Variants in RIMKLA observed in about 807,000 individuals in gnomAD.
RIMKLA encodes the protein ribosomal modification protein rimK like family member A.
In RIMKLA, 14 loss-of-function variants were observed where a neutral mutation model predicts 32.7. The ratio of observed to expected loss-of-function variants is 0.43; its 90% CI spans 0.28 to 0.67. The LOEUF (loss-of-function observed/expected upper bound fraction) is 0.67, where lower values mean the gene tolerates loss of function less well. RIMKLA is among the 30% of genes least tolerant of loss of function. The probability of loss-of-function intolerance (pLI) is 0.18; values close to 1 mark genes in which losing one functional copy is unlikely to be tolerated. For synonymous variants in RIMKLA, 176 were observed against 204.1 expected (o/e 0.86, Z 1.18); for missense variants, 410 against 519.0 (o/e 0.79, Z 2.04).
rs7522493 is a variant in RIMKLA, at chr1:42,385,751, C to G, written c.163+4654C>G. Among the ~76,000 whole-genome samples the G allele has an allele frequency of 7.9e-4, 76 of 95,978 alleles. 1 individual carries two copies. Among genetic ancestry groups the G allele is most frequent in the African/African-American group, 3.4e-3 (68 of 20,132 alleles). 63.0% of individuals were successfully genotyped at this position (95,978 alleles called of 152,430 possible). A position where few individuals can be genotyped will look rare whatever the true frequency, so the allele number is the denominator to read the frequency against. On this transcript the variant is annotated intron_variant, in intron 1 of 4. Coordinates refer to ENST00000431473, the MANE Select transcript of RIMKLA (RefSeq NM_173642.4). ...TCTTTCTTTCTTTCTTTCTTTCTTT[C>G]TTTCTTTCTTTCTTTCTTTGTTTCT...
chr1:42,385,817 T>TC (rs1642934711), intron 1 of RIMKLA, among the ~76,000 whole-genome samples: 1 of 100,042 alleles, frequency 1.0e-5, no homozygotes, highest in Admixed American at 1.0e-4. Context: ...CTTTCCTTCC[T>TC]TCCTTCCTTC....
At chr1:42,401,269 G>A (rs548306178) in intron 2 of RIMKLA, among the ~76,000 whole-genome samples, 70 of 152,270 alleles carry the variant, frequency 4.6e-4, no homozygotes, top group Non-Finnish European at 9.0e-4. Context: ...CTCCTGATGT[G>A]CCGCCCGGTT....
chr1:42,384,572 T>C (rs565355156), intron 1 of RIMKLA, among the ~76,000 whole-genome samples: 11 of 145,974 alleles, frequency 7.5e-5, no homozygotes, highest in South Asian at 4.3e-4. Context: ...TACATATATA[T>C]GTGTATATAT....
At chr1:42,381,196 C>T (rs1360473112) in intron 1 of RIMKLA, 99 bp downstream of exon 1, 1 of 949,030 alleles carries the variant, frequency 1.1e-6, no homozygotes, top group Non-Finnish European at 1.4e-6. Flanking sequence ...GCAGAGTCTC[C>T]TTCGGGCCCG....
intron 4 of RIMKLA, 118 bp downstream of exon 4, chr1:42,410,305 T>C: frequency 1.2e-6 from 1 of 821,438 alleles, no homozygotes; most frequent in Non-Finnish European, 1.9e-6. Flanking sequence ...CAGATGAGAA[T>C]GAGGAACAAA....
Position 42,381,037 on chromosome 1 carries a change from G to T in RIMKLA, c.103G>T (p.Val35Leu). ...CCGGCAGCGCTGCTCCGAGCAGGAC[G>T]TGCGCTTCCGGGCGGTGCTTATGGA... ...ALRQRCSEQD[V>L]RFRAVLMDQI... The change falls in exon 1 of 5, where the codon GTG becomes TTG. Residue 35 changes from valine to leucine, a missense_variant. Coordinates refer to ENST00000431473, the MANE Select transcript of RIMKLA (RefSeq NM_173642.4). The T allele has an allele frequency of 7.4e-7, 1 of 1,352,132 alleles. No homozygotes were observed. The highest frequency in any genetic ancestry group is 1.5e-5 in the African/African-American group (1 of 65,534). The allele number at this position is 1,352,132 out of a possible 1,614,324, so 83.8% of individuals were successfully genotyped here.
chr1:42,423,898 C>T lies in RIMKLA; in HGVS notation c.*8924C>T, dbSNP rs909438691. Among the ~76,000 whole-genome samples the T allele has an allele frequency of 6.6e-6, 1 of 152,214 alleles. No individual in the cohort carries two copies. Among genetic ancestry groups the T allele is most frequent in the African/African-American group, 2.4e-5 (1 of 41,452 alleles). Reference sequence around the variant, plus strand: ...CTACTGTACTCTTGGTGAATCACAGCTCTTTAGAGCTCCTCAAGGGCCTAA... The same window carrying T: ...CTACTGTACTCTTGGTGAATCACAGTTCTTTAGAGCTCCTCAAGGGCCTAA... On this transcript the variant is annotated 3_prime_UTR_variant, in exon 5 of 5. Coordinates refer to ENST00000431473, the MANE Select transcript of RIMKLA (RefSeq NM_173642.4).
At chr1:42,404,273 G>T (rs1643125553) in intron 2 of RIMKLA, among the ~76,000 whole-genome samples, 1 of 151,924 alleles carries the variant, frequency 6.6e-6, no homozygotes, top group South Asian at 2.1e-4. Context: ...ATTGTTATAA[G>T]GATTGTGAAG....
At chr1:42,404,420 C>G in intron 2 of RIMKLA, 91 bp from the exon 3 acceptor site, 1 of 827,454 alleles carries the variant, frequency 1.2e-6, no homozygotes, top group Non-Finnish European at 2.1e-6. Context: ...GAGATGAGGC[C>G]TCACAAGAAT....
chr1:42,406,692 A>G (rs907770311), intron 3 of RIMKLA, among the ~76,000 whole-genome samples: 3 of 152,060 alleles, frequency 2.0e-5, no homozygotes, highest in Non-Finnish European at 4.4e-5. Context: ...TTATGTAAGT[A>G]TGTATGTATG....
rs1405384570 is a variant in RIMKLA, at chr1:42,381,072, C to G, written c.138C>G (p.Ala46=). ...GGGCGGTGCTTATGGACCAGATCGC[C>G]GTCACCATCGTCGGCGGCCACCTCG... The part of the protein sequence containing the change: ...RFRAVLMDQI[A]VTIVGGHLGL... Residue 46 remains alanine (A), a synonymous_variant, in exon 1 of 5, where the codon GCC becomes GCG. Coordinates refer to ENST00000431473, the MANE Select transcript of RIMKLA (RefSeq NM_173642.4). 3.9e-6 allele frequency: 5 copies of G among 1,285,498 alleles called. No individual in the cohort carries two copies. The highest frequency in any genetic ancestry group is 4.9e-6 in the Non-Finnish European group (5 of 1,011,784). 79.6% of individuals were successfully genotyped at this position (1,285,498 alleles called of 1,614,324 possible).
In RIMKLA at chr1:42,416,908, T is replaced by A. The variant is rs1228258821; in HGVS notation, c.*1934T>A. The A allele has an allele frequency of 6.6e-6, 1 of 152,220 alleles. No homozygotes were observed. The highest frequency in any genetic ancestry group is 1.5e-5 in the Non-Finnish European group (1 of 68,038). 9.4% of individuals were successfully genotyped at this position (152,220 alleles called of 1,614,324 possible). ...AGTTTAAATGCAGTCCAACATAAGGTGCATGCCACTGAACTGTAACCCTAG... is the reference window on the plus strand; with the variant it reads ...AGTTTAAATGCAGTCCAACATAAGGAGCATGCCACTGAACTGTAACCCTAG... On this transcript the variant is annotated 3_prime_UTR_variant, in exon 5 of 5. Transcript: ENST00000431473.
intron 3 of RIMKLA, among the ~76,000 whole-genome samples, chr1:42,408,474 C>G (rs913969558): frequency 1.3e-5 from 2 of 152,188 alleles, no homozygotes; most frequent in African/African-American, 4.8e-5. Flanking sequence ...GTCTGGAGTT[C>G]AATGGCGCGA....
chr1:42,381,034 G>C lies in RIMKLA; in HGVS notation c.100G>C (p.Asp34His). 7.4e-7 allele frequency: 1 copy of C among 1,359,648 alleles called. No individual in the cohort carries two copies. The highest frequency in any genetic ancestry group is 9.5e-7 in the Non-Finnish European group (1 of 1,055,450). 84.2% of individuals were successfully genotyped at this position (1,359,648 alleles called of 1,614,324 possible). Reference sequence around the variant, plus strand: ...CCTCCGGCAGCGCTGCTCCGAGCAGGACGTGCGCTTCCGGGCGGTGCTTAT... The same window carrying C: ...CCTCCGGCAGCGCTGCTCCGAGCAGCACGTGCGCTTCCGGGCGGTGCTTAT... ...RALRQRCSEQ[D>H]VRFRAVLMDQ... The change falls in exon 1 of 5, where the codon GAC (aspartate) becomes CAC (histidine). Residue 34 changes from aspartate to histidine, a missense_variant. Transcript: ENST00000431473.
chr1:42,410,834 A>G (rs930070644), intron 4 of RIMKLA, among the ~76,000 whole-genome samples: 3 of 151,952 alleles, frequency 2.0e-5, no homozygotes, highest in African/African-American at 7.3e-5. Flanking sequence ...ATAGGAAAAA[A>G]AAAATCACAA....
chr1:42,384,439 C>A (rs953379250), intron 1 of RIMKLA, among the ~76,000 whole-genome samples: 3 of 150,566 alleles, frequency 2.0e-5, no homozygotes, highest in Admixed American at 6.6e-5. Flanking sequence ...GAATGTGACA[C>A]CAGAATGCAC....
chr1:42,404,039 A>AT (rs151162075), intron 2 of RIMKLA, among the ~76,000 whole-genome samples: 4,194 of 148,346 alleles, frequency 0.028, 188 homozygotes, highest in African/African-American at 0.097. Context: ...ATGTTTCACC[A>AT]TTTTTTTTTT....
At chr1:42,408,402 T>G (rs1643167478) in intron 3 of RIMKLA, among the ~76,000 whole-genome samples, 1 of 152,300 alleles carries the variant, frequency 6.6e-6, no homozygotes, top group East Asian at 1.9e-4. Context: ...TATGTACCAC[T>G]AGGGACTGGT....
chr1:42,384,646 ATATAGT>A (rs1031011340), intron 1 of RIMKLA, among the ~76,000 whole-genome samples: 2 of 150,750 alleles, frequency 1.3e-5, no homozygotes, highest in Middle Eastern at 3.5e-3. Context: ...ATATATATAT[ATATAGT>A]GTTTATTCTG....
Sources: allele counts gnomAD v4.1 joint callset (sites outside exome capture counted in the v4.1 genomes callset), GRCh38; gene constraint gnomAD v4.1.1; transcripts MANE v1.5; gene names NCBI Gene and HGNC (gene_info 2026-07-23, HGNC 2026-07-21).